Variants in TRAPPC8 observed in about 807,000 individuals in gnomAD.
The protein encoded by TRAPPC8 is trafficking protein particle complex subunit 8.
Under a neutral mutation model 174.3 loss-of-function variants are expected in TRAPPC8, and 54 were observed. That is an observed-to-expected ratio of 0.31 (90% confidence interval 0.25 to 0.39). TRAPPC8 has a LOEUF of 0.39. Ranked by LOEUF, TRAPPC8 falls within the 10% of genes least tolerant of loss-of-function variation. The pLI is 1.00. For missense variants in TRAPPC8, 1,531 were observed against 1,699.1 expected, an observed-to-expected ratio of 0.90 and a Z score of 1.74; for synonymous variants, 630 against 579.9, an observed-to-expected ratio of 1.09 and a Z score of -1.24.
chr18:31,879,233 C>A (rs1475250207), intron 12 of TRAPPC8, among the ~76,000 whole-genome samples: 1 of 152,220 alleles, frequency 6.6e-6, no homozygotes, highest in East Asian at 1.9e-4. Context: ...GGTCACAAAG[C>A]AAGTCTCAAA....
At position 31,935,548 on chromosome 18, in the gene TRAPPC8, TAAA is replaced by T. The variant is rs10650702; in HGVS notation, c.158-4028_158-4026del. On this transcript the variant is annotated intron_variant, in intron 1 of 28. Coordinates refer to ENST00000283351, the MANE Select transcript of TRAPPC8 (RefSeq NM_014939.5). The stretch of plus-strand genomic sequence containing the variant: ...GGGCAACAAGAGCGAAACTCCATCT[TAAA>T]AAAAAAAAAAAAAAAAAGCAGGCTT... Among the ~76,000 whole-genome samples the T allele has an allele frequency of 3.9e-4, 18 of 46,284 alleles. 1 individual carries two copies. Among genetic ancestry groups the T allele is most frequent in the Admixed American group, 7.1e-4 (2 of 2,824 alleles). 30.4% of individuals were successfully genotyped at this position (46,284 alleles called of 152,430 possible).
chr18:31,885,047 C>T (rs1447469221), intron 12 of TRAPPC8, among the ~76,000 whole-genome samples: 2 of 151,852 alleles, frequency 1.3e-5, no homozygotes, highest in African/African-American at 4.8e-5. Flanking sequence ...TTAGTAGAGA[C>T]GGGGTTTCAC....
chr18:31,893,382 T>G (rs769849808), intron 11 of TRAPPC8, among the ~76,000 whole-genome samples: 19 of 86,486 alleles, frequency 2.2e-4, no homozygotes, highest in East Asian at 7.7e-4. Flanking sequence ...TGCTTCTAGG[T>G]GTGTGTGTGT....
At chr18:31,842,253 T>G (rs1860165178) in intron 26 of TRAPPC8, among the ~76,000 whole-genome samples, 1 of 152,214 alleles carries the variant, frequency 6.6e-6, no homozygotes, top group Admixed American at 6.5e-5. Context: ...TTCTCAGAGT[T>G]AAGTAATGGT....
chr18:31,890,686 C>T (rs1598682585), intron 12 of TRAPPC8, 49 bp downstream of exon 12: 4 of 1,564,506 alleles, frequency 2.6e-6, no homozygotes, highest in Non-Finnish European at 3.5e-6. Context: ...AAATGACACA[C>T]ATTTATAAAA....
In TRAPPC8 at chr18:31,937,791, C is replaced by T. The variant is rs143870014; in HGVS notation, c.157+4817G>A. Among the ~76,000 whole-genome samples, 1,004 of 152,180 alleles carry T rather than the reference C, an allele frequency of 6.6e-3. 6 individuals are homozygous for T. Among genetic ancestry groups the T allele is most frequent in the African/African-American group, 0.022 (915 of 41,516 alleles). ...AAATCTTGGCTCACTGCAACCTTCA[C>T]CTCTCGAGTTCAAGTGATTCTCCTG... is the stretch of plus-strand genomic sequence containing the variant. On this transcript the variant is annotated intron_variant, in intron 1 of 28. Coordinates refer to ENST00000283351, the MANE Select transcript of TRAPPC8 (RefSeq NM_014939.5).
intron 19 of TRAPPC8, among the ~76,000 whole-genome samples, chr18:31,858,846 T>C (rs904500619): frequency 3.9e-5 from 6 of 152,166 alleles, no homozygotes; most frequent in African/African-American, 1.4e-4. Context: ...CCCAACACTT[T>C]GGGAGGCCAG....
At position 31,942,623 on chromosome 18, in the gene TRAPPC8, G is replaced by A. The variant is rs745922091; in HGVS notation, c.142C>T (p.Arg48Cys). 9.3e-6 allele frequency: 15 copies of A among 1,605,904 alleles called. No individual in the cohort carries two copies. In the East Asian group the frequency reaches 1.1e-4, roughly 12 times the overall value. ...SFAELLKPFS[R>C]LTSEVHMRDP... ...TACCACATACCCTCGGAAGTGAGGC[G>A]GGAGAAGGGCTTAAGCAGCTCCGCG... Residue 48 changes from arginine to cysteine, a missense_variant, in exon 1 of 29, where the codon CGC becomes TGC. Transcript: ENST00000283351.
At chr18:31,870,336 C>A in intron 16 of TRAPPC8, 36 bp downstream of exon 16, 1 of 1,568,926 alleles carries the variant, frequency 6.4e-7, no homozygotes, top group Non-Finnish European at 8.7e-7. Context: ...TAGGCTGTAG[C>A]TGAAACATAA....
chr18:31,836,228 A>G (rs2032711129), intron 27 of TRAPPC8, among the ~76,000 whole-genome samples: 1 of 152,200 alleles, frequency 6.6e-6, no homozygotes, highest in African/African-American at 2.4e-5. Context: ...GAAATTCCCA[A>G]ATGATTCTAA....
At chr18:31,839,506 TAAA>T (rs748337704) in intron 26 of TRAPPC8, 49 bp from the exon 27 acceptor site, 72 of 1,138,234 alleles carry the variant, frequency 6.3e-5, no homozygotes, top group Admixed American at 1.4e-4. Context: ...CTACCTTGTT[TAAA>T]AAAAAAAAAA....
At chr18:31,846,386 C>T (rs1005976980) in intron 26 of TRAPPC8, among the ~76,000 whole-genome samples, 1 of 152,004 alleles carries the variant, frequency 6.6e-6, no homozygotes, top group Non-Finnish European at 1.5e-5. Context: ...CCAGCCTGGG[C>T]AACATGGTGA....
At chr18:31,920,915 T>G (rs1332808965) in intron 2 of TRAPPC8, among the ~76,000 whole-genome samples, 5 of 125,162 alleles carry the variant, frequency 4.0e-5, no homozygotes, top group Admixed American at 3.1e-4. Flanking sequence ...CACTCCAGCC[T>G]GGGCAACGTG....
chr18:31,852,765 G>T, intron 22 of TRAPPC8, 102 bp from the exon 23 acceptor site: 1 of 909,324 alleles, frequency 1.1e-6, no homozygotes, highest in Non-Finnish European at 1.7e-6. Flanking sequence ...AAAATAATTC[G>T]TAATTATAAA....
intron 13 of TRAPPC8, chr18:31,873,746 C>T (rs1307142301): frequency 2.7e-5 from 12 of 437,596 alleles, no homozygotes; most frequent in Non-Finnish European, 4.5e-5. Flanking sequence ...AAGAATCTTA[C>T]TGAGGTTACT....
intron 26 of TRAPPC8, among the ~76,000 whole-genome samples, chr18:31,842,675 TC>T (rs2033173051): frequency 6.6e-6 from 1 of 152,166 alleles, no homozygotes; most frequent in East Asian, 1.9e-4. Flanking sequence ...AGATGCAAAA[TC>T]TGAAACGCTC....
At chr18:31,857,312 T>A (rs983668007) in intron 20 of TRAPPC8, among the ~76,000 whole-genome samples, 3 of 152,122 alleles carry the variant, frequency 2.0e-5, no homozygotes, top group Non-Finnish European at 4.4e-5. Flanking sequence ...AATTGAGAAG[T>A]TTACAGACAG....
At chr18:31,908,685 G>A (rs576257055) in intron 7 of TRAPPC8, 69 bp downstream of exon 7, 52 of 1,393,344 alleles carry the variant, frequency 3.7e-5, no homozygotes, top group South Asian at 2.0e-4. Flanking sequence ...CTTCAAATAC[G>A]TTTAATAATT....
intron 9 of TRAPPC8, 42 bp from the exon 10 acceptor site, chr18:31,901,067 C>T: frequency 6.6e-7 from 1 of 1,514,048 alleles, no homozygotes; most frequent in Non-Finnish European, 8.9e-7. Flanking sequence ...AAAGAAGAAA[C>T]AGTCTTACAG....
Sources: allele counts gnomAD v4.1 joint callset (sites outside exome capture counted in the v4.1 genomes callset), GRCh38; gene constraint gnomAD v4.1.1; transcripts MANE v1.5; gene names NCBI Gene and HGNC (gene_info 2026-07-23, HGNC 2026-07-21).